RHOBTB3: variants seen among roughly 807,000 people sequenced by gnomAD.
The protein encoded by RHOBTB3 is Rho related BTB domain containing 3, also known as rho-related BTB domain-containing protein 3.
A neutral mutation model predicts 67.2 loss-of-function variants in RHOBTB3; 47 were observed. That is an observed-to-expected ratio of 0.70 (90% CI 0.55 to 0.89). RHOBTB3 has a LOEUF of 0.89. RHOBTB3 is among the 40% of genes least tolerant of loss of function. The pLI, the probability that RHOBTB3 is intolerant of heterozygous loss-of-function variation, is 0.00. For missense variants in RHOBTB3, 631 were observed against 750.0 expected, an observed-to-expected ratio of 0.84 and a Z score of 1.85; for synonymous variants, 273 against 274.2, an observed-to-expected ratio of 1.00 and a Z score of 0.04.
At chr5:95,777,473 G>T (rs575665952) in intron 8 of RHOBTB3, among the ~76,000 whole-genome samples, 1 of 152,226 alleles carries the variant, frequency 6.6e-6, no homozygotes, top group South Asian at 2.1e-4. Context: ...AACATCAAAT[G>T]AATACTACAA....
chr5:95,783,256 G>T (rs1239987463), intron 9 of RHOBTB3, among the ~76,000 whole-genome samples: 1 of 151,658 alleles, frequency 6.6e-6, no homozygotes, highest in Non-Finnish European at 1.5e-5. Flanking sequence ...CCAGTAGCTG[G>T]GACTACAGGC....
At chr5:95,729,403 T>C (rs1389236673), upstream of RHOBTB3, among the ~76,000 whole-genome samples, 1 of 152,232 alleles carries the variant, frequency 6.6e-6, no homozygotes, top group African/African-American at 2.4e-5. Context: ...ACTTTCTCCC[T>C]TTCTGACACT....
At chr5:95,743,552 G>C (rs917691672) in intron 3 of RHOBTB3, among the ~76,000 whole-genome samples, 2 of 152,034 alleles carry the variant, frequency 1.3e-5, no homozygotes, top group Admixed American at 6.6e-5. Context: ...AGCACTCCTA[G>C]TTTCTGGGCT....
upstream of RHOBTB3, chr5:95,730,835 A>C (rs1327447049): frequency 4.4e-6 from 2 of 450,812 alleles, no homozygotes; most frequent in African/African-American, 4.0e-5. Flanking sequence ...ATTTTTTCTC[A>C]CAAGTATGAT....
chr5:95,741,337 A>AG (rs1303886170), intron 3 of RHOBTB3, among the ~76,000 whole-genome samples: 1 of 151,304 alleles, frequency 6.6e-6, no homozygotes, highest in East Asian at 1.9e-4. Flanking sequence ...AAAAAAAAAA[A>AG]AAGAAAAGAA....
chr5:95,717,701 G>A (rs2112740067), exon 1 of RHOBTB3: 1 of 152,340 alleles, frequency 6.6e-6, no homozygotes, highest in East Asian at 1.9e-4. Context: ...CTTCCCAGTG[G>A]ATGGAGCAGG....
At position 95,755,308 on chromosome 5, in the gene RHOBTB3, T is replaced by G. The variant is rs570918143; in HGVS notation, c.683-88T>G. On this transcript the variant is annotated intron_variant, in intron 5 of 11. Coordinates refer to ENST00000379982, the MANE Select transcript of RHOBTB3 (RefSeq NM_014899.4). ...TTAACCTAATAATATTTTAAAATAT[T>G]ATACAATTATATTTAAAGTAAACAT... 33 of 936,316 alleles carry G rather than the reference T, an allele frequency of 3.5e-5. No individual in the cohort carries two copies. In the African/African-American group the frequency reaches 3.7e-4, roughly 11 times the overall value. The allele number at this position is 936,316 out of a possible 1,614,324, so 58.0% of individuals were successfully genotyped here.
intron 2 of RHOBTB3, 67 bp from the exon 3 acceptor site, chr5:95,736,822 C>A (rs1755463633): frequency 1.9e-6 from 2 of 1,067,714 alleles, no homozygotes; most frequent in South Asian, 1.7e-5. Context: ...AAATTAATGT[C>A]ATAAATTATT....
At chr5:95,737,287 ATCTGTCTTC>A (rs1383175661) in intron 3 of RHOBTB3, among the ~76,000 whole-genome samples, 2 of 152,210 alleles carry the variant, frequency 1.3e-5, no homozygotes, top group Admixed American at 1.3e-4. Flanking sequence ...CTGGGTGCAA[ATCTGTCTTC>A]TAAATGGCTC....
intron 6 of RHOBTB3, among the ~76,000 whole-genome samples, chr5:95,760,985 G>A (rs1347469773): frequency 6.6e-6 from 1 of 152,158 alleles, no homozygotes; most frequent in Non-Finnish European, 1.5e-5. Flanking sequence ...TTGAGAATTA[G>A]TCTTACTTTC....
intron 1 of RHOBTB3, chr5:95,717,812 A>C (rs1334545763): frequency 2.6e-5 from 4 of 152,226 alleles, no homozygotes; most frequent in African/African-American, 4.8e-5. Flanking sequence ...TGTCTCTAGA[A>C]GGGTGAGAAG....
intron 9 of RHOBTB3, 141 bp downstream of exon 9, chr5:95,780,566 G>A (rs887011359): frequency 1.4e-6 from 1 of 731,276 alleles, no homozygotes; most frequent in African/African-American, 1.8e-5. Context: ...ATTAGAGGTG[G>A]TGCTGGAACA....
chr5:95,769,663 A>T (rs937941794), intron 8 of RHOBTB3: 1 of 167,452 alleles, frequency 6.0e-6, no homozygotes. Context: ...ATACATCAAA[A>T]TTTTTGCATA....
intron 9 of RHOBTB3, chr5:95,781,305 C>T (rs958578579): frequency 1.3e-5 from 2 of 152,134 alleles, no homozygotes; most frequent in Non-Finnish European, 2.9e-5. Context: ...GGTCAGGCAC[C>T]CTAATAAACA....
intron 8 of RHOBTB3, chr5:95,770,728 T>C: frequency 2.4e-6 from 1 of 409,006 alleles, no homozygotes; most frequent in South Asian, 2.1e-5. Context: ...GGCTTGACAT[T>C]TATTAATGAA....
chr5:95,742,706 T>C (rs951546911), intron 3 of RHOBTB3, among the ~76,000 whole-genome samples: 1 of 152,246 alleles, frequency 6.6e-6, no homozygotes, highest in African/African-American at 2.4e-5. Flanking sequence ...TTTCAAAAGC[T>C]TTTCATACCA....
chr5:95,737,137 G>A lies in RHOBTB3; in HGVS notation c.415+62G>A, dbSNP rs1027717152. ...AAATATTATATATACTTTAAATAGT[G>A]CTAAGTTTATTAATGGATAATAGGG... is the stretch of plus-strand genomic sequence containing the variant. On this transcript the variant is annotated intron_variant, in intron 3 of 11. Transcript: ENST00000379982. 3.6e-5 allele frequency: 41 copies of A among 1,145,026 alleles called. No homozygotes were observed. The African/African-American group carries it at 6.2e-4, about 17-fold the overall frequency. The allele number at this position is 1,145,026 out of a possible 1,614,324, so 70.9% of individuals were successfully genotyped here.
At chr5:95,733,758 G>A (rs1218488198) in intron 2 of RHOBTB3, among the ~76,000 whole-genome samples, 1 of 151,996 alleles carries the variant, frequency 6.6e-6, no homozygotes, top group Non-Finnish European at 1.5e-5. Flanking sequence ...TCTTTATAAG[G>A]TGCTTTTCTT....
At chr5:95,746,764 G>C (rs1193611026) in intron 3 of RHOBTB3, among the ~76,000 whole-genome samples, 1 of 152,130 alleles carries the variant, frequency 6.6e-6, no homozygotes. Flanking sequence ...ACCTCTCTGA[G>C]CCTCAGTTTC....
Sources: gnomAD v4.1 joint callset for allele counts (sites outside exome capture counted in the v4.1 genomes callset) on GRCh38, gnomAD v4.1.1 for gene constraint, MANE v1.5 for transcripts, NCBI Gene and HGNC (gene_info 2026-07-23, HGNC 2026-07-21) for gene names.